MACROD2: variants seen among roughly 807,000 people sequenced by gnomAD.
MACROD2 encodes the protein mono-ADP ribosylhydrolase 2, also known as ADP-ribose glycohydrolase MACROD2.
A neutral mutation model predicts 70.4 loss-of-function variants in MACROD2; 36 were observed. That is an observed-to-expected ratio of 0.51 (90% CI 0.39 to 0.68). The LOEUF is 0.68. Among genes scored for constraint, MACROD2 ranks in the 30% least tolerant of loss-of-function variants. The probability of loss-of-function intolerance (pLI) is 0.00; values close to 1 mark genes in which losing one functional copy is unlikely to be tolerated. For missense variants in MACROD2, 496 were observed against 538.4 expected (o/e 0.92, Z 0.78); for synonymous variants, 172 against 178.8 (o/e 0.96, Z 0.30).
intron 6 of MACROD2, among the ~76,000 whole-genome samples, chr20:15,297,240 A>G (rs1600213135): frequency 6.6e-6 from 1 of 151,996 alleles, no homozygotes; most frequent in East Asian, 1.9e-4. Context: ...CTGTTGATAC[A>G]CTCACCCAAA....
intron 8 of MACROD2, among the ~76,000 whole-genome samples, chr20:15,752,253 G>C (rs1001951885): frequency 1.3e-5 from 2 of 151,892 alleles, no homozygotes; most frequent in East Asian, 1.9e-4. Context: ...AAATATACCA[G>C]TTTCCTTTTA....
intron 5 of MACROD2, among the ~76,000 whole-genome samples, chr20:14,714,645 C>T (rs552819384): frequency 2.3e-4 from 35 of 152,192 alleles, no homozygotes; most frequent in Non-Finnish European, 3.7e-4. Context: ...TCAACATGCC[C>T]CCTCTCATGA....
chr20:14,347,015 CAAAG>C (rs1015634204), intron 3 of MACROD2, among the ~76,000 whole-genome samples: 7 of 152,104 alleles, frequency 4.6e-5, no homozygotes, highest in African/African-American at 1.2e-4. Context: ...AAAGAAATGA[CAAAG>C]AAACTTTTTC....
chr20:15,224,795 A>G (rs1601254854), intron 5 of MACROD2, among the ~76,000 whole-genome samples: 1 of 152,154 alleles, frequency 6.6e-6, no homozygotes, highest in African/African-American at 2.4e-5. Context: ...CCCTGTGTCT[A>G]CTAAAAATAC....
At chr20:15,744,817 C>T (rs1257862381) in intron 8 of MACROD2, among the ~76,000 whole-genome samples, 1 of 151,802 alleles carries the variant, frequency 6.6e-6, no homozygotes, top group East Asian at 1.9e-4. Flanking sequence ...TGTCTCTTTG[C>T]AACTTTTTTT....
At chr20:14,231,317 T>C (rs1324718987) in intron 3 of MACROD2, among the ~76,000 whole-genome samples, 1 of 150,236 alleles carries the variant, frequency 6.7e-6, no homozygotes, top group Non-Finnish European at 1.5e-5. Flanking sequence ...GGCCCCAGAG[T>C]GTGATGTTCC....
intron 3 of MACROD2, among the ~76,000 whole-genome samples, chr20:14,295,327 T>A (rs889011185): frequency 5.3e-5 from 8 of 151,916 alleles, no homozygotes; most frequent in Non-Finnish European, 1.0e-4. Flanking sequence ...ATGTAACAAC[T>A]GTTTTCAGAT....
intron 12 of MACROD2, among the ~76,000 whole-genome samples, chr20:15,949,000 A>G (rs1443521896): frequency 6.6e-6 from 1 of 152,204 alleles, no homozygotes; most frequent in East Asian, 1.9e-4. Flanking sequence ...CCAAATTTAT[A>G]TGAGCATCCT....
At chr20:14,811,034 A>G (rs1011620693) in intron 5 of MACROD2, among the ~76,000 whole-genome samples, 4 of 152,136 alleles carry the variant, frequency 2.6e-5, no homozygotes, top group African/African-American at 7.2e-5. Flanking sequence ...TATAGATTCA[A>G]TGCTATTCCC....
intron 4 of MACROD2, among the ~76,000 whole-genome samples, chr20:14,556,718 T>C (rs1474242532): frequency 6.6e-6 from 1 of 151,974 alleles, no homozygotes; most frequent in Non-Finnish European, 1.5e-5. Context: ...TCCAAAGCAA[T>C]ATACTTTTGA....
At chr20:16,005,737 C>T (rs143364360) in intron 15 of MACROD2, among the ~76,000 whole-genome samples, 41 of 152,330 alleles carry the variant, frequency 2.7e-4, no homozygotes, top group Non-Finnish European at 5.4e-4. Flanking sequence ...CGCTTATTCA[C>T]CAAGCACAGT....
At chr20:15,813,829 A>T (rs1568575274) in intron 8 of MACROD2, among the ~76,000 whole-genome samples, 1 of 152,168 alleles carries the variant, frequency 6.6e-6, no homozygotes, top group African/African-American at 2.4e-5. Flanking sequence ...TTTAATAGAG[A>T]CAGTGTGATA....
chr20:15,982,167 A>G (rs1346786433), intron 13 of MACROD2, among the ~76,000 whole-genome samples: 2 of 152,110 alleles, frequency 1.3e-5, no homozygotes, highest in Admixed American at 1.3e-4. Flanking sequence ...TACTTTAAAG[A>G]CTGTGATCAT....
chr20:15,273,287 T>C (rs2146072249), intron 6 of MACROD2, among the ~76,000 whole-genome samples: 1 of 152,238 alleles, frequency 6.6e-6, no homozygotes, highest in South Asian at 2.1e-4. Context: ...TGCTGGATAC[T>C]TCCTGCCCTC....
At chr20:15,085,976 T>C (rs1194531709) in intron 5 of MACROD2, among the ~76,000 whole-genome samples, 1 of 150,954 alleles carries the variant, frequency 6.6e-6, no homozygotes, top group African/African-American at 2.4e-5. Context: ...ATATCAACAC[T>C]GCTTGAAACT....
intron 8 of MACROD2, among the ~76,000 whole-genome samples, chr20:15,837,802 T>G (rs952897482): frequency 1.3e-5 from 2 of 152,210 alleles, no homozygotes; most frequent in Admixed American, 1.3e-4. Context: ...AAGAAGCTGA[T>G]GCTTATCCTG....
intron 2 of MACROD2, among the ~76,000 whole-genome samples, chr20:14,065,615 T>C (rs1217151841): frequency 6.6e-6 from 1 of 152,228 alleles, no homozygotes; most frequent in African/African-American, 2.4e-5. Flanking sequence ...CTTTCTCACA[T>C]GCTTTACTAT....
intron 8 of MACROD2, among the ~76,000 whole-genome samples, chr20:15,622,263 T>C (rs1404254633): frequency 1.3e-5 from 2 of 152,252 alleles, no homozygotes; most frequent in African/African-American, 4.8e-5. Flanking sequence ...CAAATAAGTT[T>C]GAGGAGACAT....
chr20:14,093,471 G>A (rs2054180200), intron 3 of MACROD2, among the ~76,000 whole-genome samples: 2 of 152,064 alleles, frequency 1.3e-5, no homozygotes, highest in African/African-American at 4.8e-5. Flanking sequence ...TATACGTGAT[G>A]TTCAGATTCT....
Sources: gnomAD v4.1 joint callset for allele counts (sites outside exome capture counted in the v4.1 genomes callset) on GRCh38, gnomAD v4.1.1 for gene constraint, MANE v1.5 for transcripts, NCBI Gene and HGNC (gene_info 2026-07-23, HGNC 2026-07-21) for gene names.